The following SOS1 variants were observed in gnomAD, a reference collection of about 807,000 sequenced individuals.
SOS1 encodes the protein SOS Ras/Rac guanine nucleotide exchange factor 1.
SOS1 carries 25 observed loss-of-function variants against 157.6 expected under a neutral mutation model. The observed-to-expected ratio is 0.16, with a 90% confidence interval of 0.12 to 0.22. The LOEUF is 0.22. Ranked by LOEUF, SOS1 falls within the 10% of genes least tolerant of loss-of-function variation. The pLI is 1.00. For synonymous variants in SOS1, 528 were observed against 534.0 expected (o/e 0.99, Z 0.16); for missense variants, 1,237 against 1,599.1 (o/e 0.77, Z 3.86).
intron 1 of SOS1, among the ~76,000 whole-genome samples, chr2:39,089,761 G>A (rs1335422128): frequency 1.3e-5 from 2 of 151,912 alleles, no homozygotes; most frequent in Admixed American, 1.3e-4. Context: ...ATCAACTGAT[G>A]TAATCTTGGC....
intron 1 of SOS1, among the ~76,000 whole-genome samples, chr2:39,119,778 T>C (rs1423839220): frequency 3.9e-5 from 6 of 152,082 alleles, no homozygotes; most frequent in Non-Finnish European, 7.4e-5. Flanking sequence ...CCCCCTGAAA[T>C]TGGTAGCATG....
upstream of SOS1, among the ~76,000 whole-genome samples, chr2:39,123,256 C>T (rs565759802): frequency 1.0e-3 from 156 of 152,274 alleles, no homozygotes; most frequent in African/African-American, 3.6e-3. Flanking sequence ...CTTTTTATTT[C>T]CTGCTAGCAC....
intron 1 of SOS1, among the ~76,000 whole-genome samples, chr2:39,100,293 A>G (rs1443237552): frequency 6.6e-6 from 1 of 152,220 alleles, no homozygotes; most frequent in Non-Finnish European, 1.5e-5. Flanking sequence ...GAACTACCAT[A>G]TGACCTAGCT....
intron 6 of SOS1, among the ~76,000 whole-genome samples, chr2:39,042,712 A>ATTT (rs200188697): frequency 0.012 from 1,613 of 132,618 alleles, 43 homozygotes; most frequent in African/African-American, 0.041. Context: ...TAATTTTATG[A>ATTT]TTTTTTTTTT....
chr2:39,053,873 C>G (rs1244169176), intron 5 of SOS1, among the ~76,000 whole-genome samples: 2 of 151,980 alleles, frequency 1.3e-5, no homozygotes, highest in Non-Finnish European at 2.9e-5. Flanking sequence ...TATTTTATTG[C>G]AATTTATAGT....
chr2:39,082,338 AG>A (rs1672232935), intron 1 of SOS1, among the ~76,000 whole-genome samples: 1 of 152,216 alleles, frequency 6.6e-6, no homozygotes, highest in South Asian at 2.1e-4. Flanking sequence ...ATCTGGGAAA[AG>A]CAGAATAAGA....
intron 19 of SOS1, among the ~76,000 whole-genome samples, chr2:38,996,363 T>G (rs1668892521): frequency 6.6e-6 from 1 of 152,226 alleles, no homozygotes; most frequent in Admixed American, 6.5e-5. Context: ...GTGTTGGGAT[T>G]ACAGGCACGA....
At chr2:39,065,735 C>T (rs141444246) in intron 2 of SOS1, among the ~76,000 whole-genome samples, 175 of 152,288 alleles carry the variant, frequency 1.1e-3, no homozygotes, top group African/African-American at 3.9e-3. Flanking sequence ...ATAACTTGGG[C>T]AGGTTATTCA....
Position 39,080,454 on chromosome 2 carries a change from G to A in SOS1, c.88-12701C>T, listed in dbSNP as rs116148112. Among the ~76,000 whole-genome samples, 923 of 152,246 alleles carry A rather than the reference G, an allele frequency of 6.1e-3. 15 individuals carry two copies. Among genetic ancestry groups the A allele is most frequent in the African/African-American group, 0.021 (881 of 41,540 alleles). ...TGGACCAGTATCAGTCTGTAGCCTG[G>A]GGGTTGGGGACCCCTGATTTAAACT... On this transcript the variant is annotated intron_variant, in intron 1 of 22. Transcript: ENST00000402219.
At chr2:39,094,822 C>A (rs1446891667) in intron 1 of SOS1, among the ~76,000 whole-genome samples, 1 of 152,142 alleles carries the variant, frequency 6.6e-6, no homozygotes, top group Non-Finnish European at 1.5e-5. Flanking sequence ...AATCTATTTA[C>A]AAATAACTTA....
At position 39,008,390 on chromosome 2, in the gene SOS1, G is replaced by A. The variant is rs139263535; in HGVS notation, c.2511-1197C>T. Among the ~76,000 whole-genome samples the A allele has an allele frequency of 2.0e-3, 304 of 152,270 alleles. 3 individuals carry two copies. Among genetic ancestry groups the A allele is most frequent in the African/African-American group, 6.8e-3 (281 of 41,542 alleles). ...GAGAAAAGCTTGCCATTGTTGCCCA[G>A]CCCCAGAGCCCTGTTTCAAACAGAT... On this transcript the variant is annotated intron_variant, in intron 15 of 22. Coordinates refer to ENST00000402219, the MANE Select transcript of SOS1 (RefSeq NM_005633.4).
At chr2:39,076,346 G>A (rs1339435760) in intron 1 of SOS1, among the ~76,000 whole-genome samples, 2 of 151,778 alleles carry the variant, frequency 1.3e-5, no homozygotes, top group Non-Finnish European at 2.9e-5. Context: ...GTTGCAGTAA[G>A]CCAAGATCAA....
rs145951686 is a variant in SOS1, at chr2:38,996,262, G to T, written c.3081+660C>A. ...CCGCCACCATGTCTGGCTAAGTTTT[G>T]TATTTCATTAGAGACAGGGTTTTCA... On this transcript the variant is annotated intron_variant, in intron 19 of 22. Transcript: ENST00000402219. Among the ~76,000 whole-genome samples the T allele has an allele frequency of 1.3e-3, 192 of 152,212 alleles. 5 individuals carry two copies. The East Asian group carries it at 0.032, about 25-fold the overall frequency.
rs565544523 is a variant in SOS1, at chr2:38,981,603, G to A, written c.*4221C>T. 8.6e-5 allele frequency: 13 copies of A among 151,928 alleles called. No individual in the cohort carries two copies. The East Asian group carries it at 2.5e-3, about 29-fold the overall frequency. The allele number at this position is 151,928 out of a possible 1,614,324, so 9.4% of individuals were successfully genotyped here. On this transcript the variant is annotated 3_prime_UTR_variant, in exon 23 of 23. Coordinates refer to ENST00000402219, the MANE Select transcript of SOS1 (RefSeq NM_005633.4). Reference sequence around the variant, plus strand: ...TTATTTTTCAGTTTATCTTAGTAATGCCAGAAAAATAACAGCCGTTATTTT... The same window carrying A: ...TTATTTTTCAGTTTATCTTAGTAATACCAGAAAAATAACAGCCGTTATTTT...
At chr2:39,105,268 A>T (rs984197385) in intron 1 of SOS1, among the ~76,000 whole-genome samples, 8 of 150,774 alleles carry the variant, frequency 5.3e-5, no homozygotes, top group African/African-American at 1.9e-4. Context: ...CTTGTTTTTC[A>T]TTTTTTTTTA....
Position 39,079,487 on chromosome 2 carries a change from A to ATTTTT in SOS1, c.88-11739_88-11735dup, listed in dbSNP as rs1201929648. 1.5e-4 allele frequency among the ~76,000 whole-genome samples: 12 copies of ATTTTT among 82,702 alleles called. 1 individual carries two copies. Among genetic ancestry groups the ATTTTT allele is most frequent in the South Asian group, 1.0e-3 (2 of 1,936 alleles). The allele number at this position is 82,702 out of a possible 152,430, so 54.3% of individuals were successfully genotyped here. Reference sequence around the variant, plus strand: ...CAAAGAAGCCTTTAAAAGTGTTCGAATTTTTTTTTTTTTTTTTTTTTTTTT... The same window carrying ATTTTT: ...CAAAGAAGCCTTTAAAAGTGTTCGAATTTTTTTTTTTTTTTTTTTTTTTTTTTTTT... On this transcript the variant is annotated intron_variant, in intron 1 of 22. Transcript: ENST00000402219.
Position 39,051,323 on chromosome 2 carries a change from G to A in SOS1, c.721-36C>T, listed in dbSNP as rs1671009634. ...GAAAACACATTAATTCAGTGAGGCT[G>A]TATTATTATAATATTAAACAAATTT... On this transcript the variant is annotated intron_variant, in intron 5 of 22. Coordinates refer to ENST00000402219, the MANE Select transcript of SOS1 (RefSeq NM_005633.4). 5.1e-6 allele frequency: 8 copies of A among 1,583,274 alleles called. No individual in the cohort carries two copies. In the African/African-American group the frequency reaches 5.4e-5, roughly 11 times the overall value.
In SOS1 at chr2:38,996,845, C is replaced by T. The variant is rs984124859; in HGVS notation, c.3081+77G>A. On this transcript the variant is annotated intron_variant, in intron 19 of 22. Coordinates refer to ENST00000402219, the MANE Select transcript of SOS1 (RefSeq NM_005633.4). ...TTTAACTATCACATGTATACTTCAT[C>T]CCTGAATACCTTTATGGAAAACTAT... 4.9e-6 allele frequency: 4 copies of T among 814,548 alleles called. No individual in the cohort carries two copies. In the East Asian group the frequency reaches 7.3e-5, roughly 15 times the overall value. 50.5% of individuals were successfully genotyped at this position (814,548 alleles called of 1,614,324 possible). A position where few individuals can be genotyped will look rare whatever the true frequency, so the allele number is the denominator to read the frequency against.
At chr2:39,008,655 T>G (rs1201389706) in intron 15 of SOS1, among the ~76,000 whole-genome samples, 1 of 152,148 alleles carries the variant, frequency 6.6e-6, no homozygotes, top group Non-Finnish European at 1.5e-5. Flanking sequence ...AACCATTCCT[T>G]CAAAGGAGCC....
Sources: gnomAD v4.1 joint callset for allele counts (sites outside exome capture counted in the v4.1 genomes callset) on GRCh38, gnomAD v4.1.1 for gene constraint, MANE v1.5 for transcripts, NCBI Gene and HGNC (gene_info 2026-07-23, HGNC 2026-07-21) for gene names.